The following TRRAP variants were observed in gnomAD, a reference collection of about 807,000 sequenced individuals.
TRRAP encodes transformation/transcription domain-associated protein.
TRRAP carries 41 observed loss-of-function variants against 438.8 expected under a neutral mutation model. That is an observed-to-expected ratio of 0.09 (90% CI 0.07 to 0.12). TRRAP has a LOEUF of 0.12. Among genes scored for constraint, TRRAP ranks in the 10% least tolerant of loss-of-function variants. The probability of loss-of-function intolerance (pLI) is 1.00; values close to 1 mark genes in which losing one functional copy is unlikely to be tolerated. For missense variants in TRRAP, 3,122 were observed against 5,055.1 expected, an observed-to-expected ratio of 0.62 and a Z score of 11.60; for synonymous variants, 1,994 against 1,962.9, an observed-to-expected ratio of 1.02 and a Z score of -0.42.
At position 98,933,516 on chromosome 7, in the gene TRRAP, T is replaced by C. The variant is rs1790420697; in HGVS notation, c.4014+114T>C. ...TTCAGAGAAGGCTCGGGCGGGGACCTGCAGGTAACCCACTGACACCTGGCA... is the reference window on the plus strand; with the variant it reads ...TTCAGAGAAGGCTCGGGCGGGGACCCGCAGGTAACCCACTGACACCTGGCA... On this transcript the variant is annotated intron_variant, in intron 27 of 72. Coordinates refer to ENST00000456197, the MANE Select transcript of TRRAP (RefSeq NM_001375524.1). 3 of 1,412,820 alleles carry C rather than the reference T, an allele frequency of 2.1e-6. No homozygotes were observed. The East Asian group carries it at 7.5e-5, about 35-fold the overall frequency. The allele number at this position is 1,412,820 out of a possible 1,614,324, so 87.5% of individuals were successfully genotyped here.
At chr7:98,947,377 T>C (rs1376650469) in intron 33 of TRRAP, among the ~76,000 whole-genome samples, 4 of 152,250 alleles carry the variant, frequency 2.6e-5, no homozygotes, top group African/African-American at 9.6e-5. Context: ...TATACATTGA[T>C]ATTTAATTTC....
chr7:98,982,047 C>T lies in TRRAP; in HGVS notation c.8826+87C>T, dbSNP rs1792953948. 1.7e-5 allele frequency: 22 copies of T among 1,320,180 alleles called. 1 individual carries two copies. The South Asian group carries it at 2.7e-4, about 16-fold the overall frequency. The allele number at this position is 1,320,180 out of a possible 1,614,324, so 81.8% of individuals were successfully genotyped here. A position where few individuals can be genotyped will look rare whatever the true frequency, so the allele number is the denominator to read the frequency against. On this transcript the variant is annotated intron_variant, in intron 59 of 72. Transcript: ENST00000456197. ...CCAGGCTTAGGTCTGCAGACTGCTC[C>T]GGACAGCAGAGATGAAACTCCTTCT...
At chr7:98,926,645 G>A (rs1222061086) in intron 22 of TRRAP, among the ~76,000 whole-genome samples, 1 of 152,102 alleles carries the variant, frequency 6.6e-6, no homozygotes, top group Admixed American at 6.6e-5. Flanking sequence ...GAGGATGAGG[G>A]AAGGAAAAAG....
chr7:98,891,598 C>G (rs1795982792), intron 4 of TRRAP, among the ~76,000 whole-genome samples: 2 of 147,450 alleles, frequency 1.4e-5, no homozygotes, highest in African/African-American at 5.0e-5. Flanking sequence ...TGCAGTGGCG[C>G]AGTCTCGGCT....
At chr7:98,900,557 A>T in intron 10 of TRRAP, 67 bp from the exon 11 acceptor site, 2 of 1,363,356 alleles carry the variant, frequency 1.5e-6, no homozygotes, top group South Asian at 2.6e-5. Flanking sequence ...TAATGGTTAC[A>T]GGCTTTTAAT....
In TRRAP at chr7:98,917,608, C is replaced by T. The variant is rs1554409711; in HGVS notation, c.2551C>T (p.Leu851=). 3 of 1,614,088 alleles carry T rather than the reference C, an allele frequency of 1.9e-6. No individual in the cohort carries two copies. Among genetic ancestry groups the T allele is most frequent in the Non-Finnish European group, 1.7e-6 (2 of 1,180,052 alleles). Residue 851 remains leucine (L), a synonymous_variant, in exon 20 of 73, where the codon CTG becomes TTG. Transcript: ENST00000456197. ...CAGCCAAGGCCTCAGGACGCTGGAGCTGTGTGTGGACAACCTGCAGCCCGA... is the reference window on the plus strand; with the variant it reads ...CAGCCAAGGCCTCAGGACGCTGGAGTTGTGTGTGGACAACCTGCAGCCCGA... The part of the protein sequence containing the change: ...LVSQGLRTLE[L]CVDNLQPDFL...
intron 70 of TRRAP, among the ~76,000 whole-genome samples, chr7:99,010,758 G>A (rs1189570279): frequency 6.6e-6 from 1 of 152,210 alleles, no homozygotes; most frequent in Admixed American, 6.5e-5. Flanking sequence ...GGGTGGAAAT[G>A]TTCAGATATT....
At chr7:98,998,501 C>G (rs1410389947) in intron 67 of TRRAP, 1 of 181,572 alleles carries the variant, frequency 5.5e-6, no homozygotes, top group Non-Finnish European at 1.3e-5. Flanking sequence ...TAGGGAAAAC[C>G]AATCCACTTC....
chr7:99,008,614 T>TG (rs1055764142), intron 70 of TRRAP, 53 bp downstream of exon 70: 1 of 1,591,470 alleles, frequency 6.3e-7, no homozygotes, highest in Non-Finnish European at 8.6e-7. Flanking sequence ...CCCTCCTGTG[T>TG]GGGGCAGTGC....
intron 20 of TRRAP, among the ~76,000 whole-genome samples, chr7:98,918,574 T>C (rs1008995523): frequency 6.6e-5 from 10 of 152,080 alleles, no homozygotes; most frequent in Non-Finnish European, 1.5e-4. Context: ...GCAGGTGTTA[T>C]GGTTACTATA....
intron 67 of TRRAP, among the ~76,000 whole-genome samples, chr7:98,997,174 C>T (rs532025909): frequency 3.3e-5 from 5 of 151,942 alleles, no homozygotes; most frequent in South Asian, 2.1e-4. Flanking sequence ...GTCGTGGTGG[C>T]GTGCGCCTGT....
chr7:98,953,030 AT>A, intron 39 of TRRAP, 136 bp from the exon 40 acceptor site: 1 of 943,144 alleles, frequency 1.1e-6, no homozygotes, highest in Non-Finnish European at 1.5e-6. Context: ...TTCATGTTAC[AT>A]TGTGTGTGTG....
chr7:98,897,033 G>A (rs950060170), intron 7 of TRRAP, among the ~76,000 whole-genome samples: 8 of 152,058 alleles, frequency 5.3e-5, no homozygotes, highest in Non-Finnish European at 1.0e-4. Context: ...CTGGGAGTTC[G>A]AGACCAGCTT....
intron 7 of TRRAP, among the ~76,000 whole-genome samples, chr7:98,896,927 T>C (rs1382865875): frequency 7.0e-5 from 10 of 143,318 alleles, no homozygotes; most frequent in Admixed American, 6.6e-4. Flanking sequence ...AGTGAGGTCC[T>C]GGCTTTTAAA....
intron 1 of TRRAP, among the ~76,000 whole-genome samples, chr7:98,879,687 T>G (rs1454313672): frequency 6.6e-6 from 1 of 152,218 alleles, no homozygotes; most frequent in Non-Finnish European, 1.5e-5. Context: ...CTCCCCCGCC[T>G]TGGTTTCCTT....
chr7:99,004,515 C>T (rs1794073566), intron 68 of TRRAP, 100 bp downstream of exon 68: 1 of 1,018,670 alleles, frequency 9.8e-7, no homozygotes, highest in South Asian at 1.6e-5. Flanking sequence ...ATTTTGGACA[C>T]AGATTCCCTG....
intron 7 of TRRAP, among the ~76,000 whole-genome samples, chr7:98,897,212 G>A (rs1267932321): frequency 2.0e-5 from 3 of 152,152 alleles, no homozygotes; most frequent in African/African-American, 7.2e-5. Context: ...TCCAGCCTGG[G>A]CAACAGAGCG....
chr7:98,931,542 C>G lies in TRRAP; in HGVS notation c.3729C>G (p.His1243Gln). 6.2e-7 allele frequency: 1 copy of G among 1,614,164 alleles called. No homozygotes were observed. The highest frequency in any genetic ancestry group is 8.5e-7 in the Non-Finnish European group (1 of 1,180,030). ...AQEKSFHHVTHDLVREVTSPN... is the reference protein window; with the variant it reads ...AQEKSFHHVTQDLVREVTSPN... ...AAAAGTCTTTCCACCATGTGACACA[C>G]GACTTGGTTCGAGAAGTCACCTCTC... The change falls in exon 26 of 73, where the codon CAC becomes CAG. Residue 1243 changes from histidine (H) to glutamine (Q), a missense_variant. By Grantham distance (24) the His-to-Gln change is conservative. Around this residue, in one of 24 missense-constraint regions of TRRAP, gnomAD observed 153 missense variants for 223.0 expected, o/e 0.69. Coordinates refer to ENST00000456197, the MANE Select transcript of TRRAP (RefSeq NM_001375524.1).
chr7:98,903,875 A>T (rs147121690), intron 12 of TRRAP, among the ~76,000 whole-genome samples: 2,694 of 150,586 alleles, frequency 0.018, 82 homozygotes, highest in African/African-American at 0.061. Context: ...GTGCAGGGAA[A>T]CTCCCCTTTT....
Sources: gnomAD v4.1 joint callset for allele counts (sites outside exome capture counted in the v4.1 genomes callset) on GRCh38, gnomAD v4.1.1 for gene constraint, gnomAD v4.1.1 regional missense constraint, MANE v1.5 for transcripts, NCBI Gene and HGNC (gene_info 2026-07-23, HGNC 2026-07-21) for gene names.